Variants in C4BPA observed in about 807,000 individuals in gnomAD.
The protein encoded by C4BPA is complement component 4 binding protein alpha.
Under a neutral mutation model 63.7 loss-of-function variants are expected in C4BPA, and 31 were observed. The ratio of observed to expected loss-of-function variants is 0.49; its 90% CI spans 0.37 to 0.66. The LOEUF (loss-of-function observed/expected upper bound fraction) is 0.66. Among genes scored for constraint, C4BPA ranks in the 30% least tolerant of loss-of-function variants. The pLI, the probability that C4BPA is intolerant of heterozygous loss-of-function variation, is 0.00. For synonymous variants in C4BPA, 259 were observed against 254.7 expected (o/e 1.02, Z -0.16); for missense variants, 572 against 723.3 (o/e 0.79, Z 2.40).
intron 9 of C4BPA, among the ~76,000 whole-genome samples, chr1:207,137,721 G>A (rs1480145319): frequency 2.0e-5 from 3 of 152,128 alleles, no homozygotes; most frequent in African/African-American, 7.2e-5. Flanking sequence ...GGGTTCAAGA[G>A]ATTCTTGTGC....
intron 4 of C4BPA, among the ~76,000 whole-genome samples, chr1:207,123,179 A>G (rs1244244344): frequency 1.3e-5 from 2 of 152,218 alleles, no homozygotes; most frequent in Non-Finnish European, 2.9e-5. Context: ...TGGAAAAACT[A>G]CATTTTAAAG....
In C4BPA at chr1:207,144,686, C is replaced by T. The variant is rs1489270498; in HGVS notation, c.1763C>T (p.Ala588Val). ...IEQLELQRDS[A>V]RQSTLDKEL Reference sequence around the variant, plus strand: ...CAACTGGAACTACAGAGAGACAGCGCAAGACAATCCACTTTGGATAAAGAA... The same window carrying T: ...CAACTGGAACTACAGAGAGACAGCGTAAGACAATCCACTTTGGATAAAGAA... The change falls in exon 12 of 12, where the codon GCA becomes GTA. Residue 588 changes from alanine to valine, a missense_variant. Ala to Val is a moderately conservative substitution (Grantham distance 64, BLOSUM62 0). Coordinates refer to ENST00000367070, the MANE Select transcript of C4BPA (RefSeq NM_000715.4). 31 of 1,609,362 alleles carry T rather than the reference C, an allele frequency of 1.9e-5. No homozygotes were observed. Among genetic ancestry groups the T allele is most frequent in the Non-Finnish European group, 2.5e-5 (29 of 1,178,406 alleles).
intron 1 of C4BPA, among the ~76,000 whole-genome samples, chr1:207,108,804 C>A (rs2842700): frequency 0.11 from 16,820 of 151,876 alleles, 1,502 homozygotes; most frequent in African/African-American, 0.25. Context: ...ATCACTGTAA[C>A]CTTTGCCTCC....
chr1:207,107,693 G>A (rs1420860343), intron 1 of C4BPA, among the ~76,000 whole-genome samples: 1 of 152,206 alleles, frequency 6.6e-6, no homozygotes, highest in Admixed American at 6.5e-5. Flanking sequence ...TTTTTAAGCA[G>A]AGTAACAACA....
chr1:207,125,639 A>C (rs1685024126), intron 6 of C4BPA, among the ~76,000 whole-genome samples: 1 of 152,184 alleles, frequency 6.6e-6, no homozygotes, highest in African/African-American at 2.4e-5. Context: ...AGGACGCAGC[A>C]AGAAGGCACC....
At chr1:207,143,013 C>T (rs1685453858) in intron 10 of C4BPA, among the ~76,000 whole-genome samples, 1 of 152,122 alleles carries the variant, frequency 6.6e-6, no homozygotes, top group Admixed American at 6.5e-5. Context: ...ATAAATCATT[C>T]TACTATAAAG....
intron 1 of C4BPA, among the ~76,000 whole-genome samples, chr1:207,112,740 T>C (rs1311856926): frequency 6.6e-6 from 1 of 152,290 alleles, no homozygotes; most frequent in Admixed American, 6.5e-5. Context: ...GTCTTCAGTA[T>C]ACCTAGTGCA....
chr1:207,137,637 A>T (rs778334430), intron 9 of C4BPA, among the ~76,000 whole-genome samples: 31 of 147,194 alleles, frequency 2.1e-4, no homozygotes, highest in African/African-American at 7.6e-4. Flanking sequence ...TTTTGTTTTG[A>T]GACAGAGTTT....
intron 8 of C4BPA, among the ~76,000 whole-genome samples, chr1:207,132,954 G>A (rs1441107261): frequency 1.3e-5 from 2 of 152,188 alleles, no homozygotes; most frequent in Non-Finnish European, 2.9e-5. Flanking sequence ...GAGGCTAAGA[G>A]GCCAAAGCTG....
chr1:207,105,534 G>C (rs1040375046), intron 1 of C4BPA, among the ~76,000 whole-genome samples: 34 of 139,080 alleles, frequency 2.4e-4, no homozygotes, highest in African/African-American at 9.3e-4. Context: ...TCTAGTCTGG[G>C]CAACAAGAGT....
rs1353724616 is a variant in C4BPA at position 207,126,748 on chromosome 1, G to T, written c.742G>T (p.Glu248Ter). ...TCRKPDVSHG[E>*]MVSGFGPIYN... ...TCGCAAGCCAGATGTTTCACATGGG[G>T]AAATGGTCTCTGGATTTGGACCCAT... The change falls in exon 7 of 12, where the codon GAA becomes TAA. Residue 248 changes from glutamate to a stop codon, truncating the protein, a stop_gained. Transcript: ENST00000367070. LOFTEE classifies it high-confidence loss of function. 1 of 1,610,044 alleles carries T rather than the reference G, an allele frequency of 6.2e-7. No individual in the cohort carries two copies. Among genetic ancestry groups the T allele is most frequent in the African/African-American group, 1.3e-5 (1 of 74,778 alleles).
chr1:207,138,428 T>C (rs1685341224), intron 9 of C4BPA, among the ~76,000 whole-genome samples: 1 of 152,196 alleles, frequency 6.6e-6, no homozygotes, highest in Non-Finnish European at 1.5e-5. Context: ...TGTTGGGAGC[T>C]TTCTCTATCA....
intron 1 of C4BPA, among the ~76,000 whole-genome samples, chr1:207,110,718 A>G (rs977031883): frequency 3.9e-5 from 6 of 152,212 alleles, no homozygotes; most frequent in African/African-American, 1.4e-4. Flanking sequence ...ATGAATACAT[A>G]TTTTAGTGGC....
intron 9 of C4BPA, among the ~76,000 whole-genome samples, chr1:207,136,803 C>T (rs972402505): frequency 4.6e-5 from 7 of 151,982 alleles, no homozygotes; most frequent in African/African-American, 1.2e-4. Flanking sequence ...TTTGCATGCA[C>T]GAGCCATAAA....
At chr1:207,140,046 G>C (rs1395115000) in intron 9 of C4BPA, among the ~76,000 whole-genome samples, 1 of 152,080 alleles carries the variant, frequency 6.6e-6, no homozygotes, top group Admixed American at 6.5e-5. Flanking sequence ...TAACTCTCAG[G>C]CACCCCTGGT....
chr1:207,108,968 G>T (rs1043441091), intron 1 of C4BPA, among the ~76,000 whole-genome samples: 1 of 152,088 alleles, frequency 6.6e-6, no homozygotes, highest in Non-Finnish European at 1.5e-5. Context: ...TGATCTGCCC[G>T]CCTCAGCCTC....
In C4BPA at chr1:207,144,793, T is replaced by A; in HGVS notation, c.*76T>A. 1 of 893,470 alleles carries A rather than the reference T, an allele frequency of 1.1e-6. No individual in the cohort carries two copies. Among genetic ancestry groups the A allele is most frequent in the South Asian group, 2.7e-5 (1 of 37,400 alleles). 55.3% of individuals were successfully genotyped at this position (893,470 alleles called of 1,614,324 possible). ...ATTCAATACAGATCAGTTTAGCAAA[T>A]CTACTGTCAATTTGGCAGTGATATT... is the stretch of plus-strand genomic sequence containing the variant. On this transcript the variant is annotated 3_prime_UTR_variant, in exon 12 of 12. Coordinates refer to ENST00000367070, the MANE Select transcript of C4BPA (RefSeq NM_000715.4).
chr1:207,106,464 G>T (rs1684563151), intron 1 of C4BPA, among the ~76,000 whole-genome samples: 1 of 107,922 alleles, frequency 9.3e-6, no homozygotes. Flanking sequence ...TTTTGAAACG[G>T]AGTCTCGCTT....
At chr1:207,137,531 G>C (rs556545695) in intron 9 of C4BPA, among the ~76,000 whole-genome samples, 1 of 152,184 alleles carries the variant, frequency 6.6e-6, no homozygotes, top group Admixed American at 6.5e-5. Context: ...ATTGGTAATT[G>C]GTTGAATTAT....
Sources: gnomAD v4.1 joint callset for allele counts (sites outside exome capture counted in the v4.1 genomes callset) on GRCh38, gnomAD v4.1.1 for gene constraint, MANE v1.5 for transcripts, NCBI Gene and HGNC (gene_info 2026-07-23, HGNC 2026-07-21) for gene names.